The following FOXP1 variants were observed in gnomAD, a reference collection of about 807,000 sequenced individuals.
The protein encoded by FOXP1 is forkhead box P1.
In FOXP1, 15 loss-of-function variants were observed where a neutral mutation model predicts 98.2. The ratio of observed to expected loss-of-function variants is 0.15; its 90% confidence interval spans 0.10 to 0.24. The LOEUF is 0.24. Among genes scored for constraint, FOXP1 ranks in the 10% least tolerant of loss-of-function variants. The pLI is 1.00. For missense variants in FOXP1, 633 were observed against 848.5 expected, an observed-to-expected ratio of 0.75 and a Z score of 3.15; for synonymous variants, 371 against 314.5, an observed-to-expected ratio of 1.18 and a Z score of -1.90.
intron 3 of FOXP1, among the ~76,000 whole-genome samples, chr3:71,487,691 A>C (rs1256708203): frequency 6.6e-6 from 1 of 152,228 alleles, no homozygotes; most frequent in Non-Finnish European, 1.5e-5. Flanking sequence ...TTTAGCCAAA[A>C]GGTTTGATGT....
At chr3:71,194,886 TGTGA>T (rs1189354110) in intron 6 of FOXP1, among the ~76,000 whole-genome samples, 2 of 152,172 alleles carry the variant, frequency 1.3e-5, no homozygotes, top group Non-Finnish European at 2.9e-5. Context: ...AAAGACAGTT[TGTGA>T]GTGTGTTGGC....
At chr3:70,973,522 G>C (rs1049609026) in intron 17 of FOXP1, among the ~76,000 whole-genome samples, 4 of 152,106 alleles carry the variant, frequency 2.6e-5, no homozygotes, top group African/African-American at 9.7e-5. Context: ...CAAGGGTGAA[G>C]AGCTTTTAAT....
chr3:71,155,823 C>T (rs535603605), intron 6 of FOXP1, among the ~76,000 whole-genome samples: 2 of 152,210 alleles, frequency 1.3e-5, no homozygotes, highest in African/African-American at 4.8e-5. Context: ...TGCATACATT[C>T]CTTCTTGAAA....
At chr3:70,989,118 TC>T (rs1173971593) in intron 13 of FOXP1, among the ~76,000 whole-genome samples, 1 of 152,094 alleles carries the variant, frequency 6.6e-6, no homozygotes, top group Non-Finnish European at 1.5e-5. Flanking sequence ...GTCAAATTAT[TC>T]CCAAATAAAA....
chr3:71,321,066 C>T (rs1358484257), intron 4 of FOXP1, among the ~76,000 whole-genome samples: 1 of 149,014 alleles, frequency 6.7e-6, no homozygotes, highest in African/African-American at 2.5e-5. Flanking sequence ...TTGAGATTCA[C>T]TATGCACCCC....
intron 11 of FOXP1, among the ~76,000 whole-genome samples, chr3:71,015,861 A>G (rs1046762399): frequency 6.6e-6 from 1 of 152,200 alleles, no homozygotes; most frequent in African/African-American, 2.4e-5. Flanking sequence ...TATTTAGTCA[A>G]ATGTTAGAAA....
intron 3 of FOXP1, among the ~76,000 whole-genome samples, chr3:71,400,003 C>T (rs2081840669): frequency 6.6e-6 from 1 of 152,086 alleles, no homozygotes; most frequent in Non-Finnish European, 1.5e-5. Context: ...AACACCAATG[C>T]CAAATCTAAT....
chr3:70,981,448 G>A (rs943054356), intron 14 of FOXP1, among the ~76,000 whole-genome samples: 1 of 152,166 alleles, frequency 6.6e-6, no homozygotes, highest in African/African-American at 2.4e-5. Flanking sequence ...CTAATTACCA[G>A]ATAAAAATGT....
intron 5 of FOXP1, among the ~76,000 whole-genome samples, chr3:71,198,841 G>A (rs2063478369): frequency 6.6e-6 from 1 of 151,754 alleles, no homozygotes; most frequent in African/African-American, 2.4e-5. Flanking sequence ...ACAGGTGCAT[G>A]CCACCATGCC....
At chr3:71,360,059 C>G (rs2078448105) in intron 3 of FOXP1, among the ~76,000 whole-genome samples, 1 of 152,152 alleles carries the variant, frequency 6.6e-6, no homozygotes, top group Non-Finnish European at 1.5e-5. Context: ...TCTCAAAGTG[C>G]TGGGATTACA....
Position 70,974,051 on chromosome 3 carries a change from G to A in FOXP1, c.1531-1375C>T, listed in dbSNP as rs577809236. ...AATGAGACAAGTTTTTTAATGCATG[G>A]TGTGATGAATTGCTTGAAAGGAGAA... On this transcript the variant is annotated intron_variant, in intron 17 of 20. Coordinates refer to ENST00000649528, the MANE Select transcript of FOXP1 (RefSeq NM_001349338.3). Among the ~76,000 whole-genome samples the A allele has an allele frequency of 4.6e-5, 7 of 152,124 alleles. 1 individual carries two copies. The South Asian group carries it at 1.5e-3, about 32-fold the overall frequency.
intron 7 of FOXP1, among the ~76,000 whole-genome samples, chr3:71,083,155 T>C (rs989129885): frequency 6.6e-6 from 1 of 152,078 alleles, no homozygotes; most frequent in African/African-American, 2.4e-5. Flanking sequence ...TGGGAGGTAT[T>C]TGGGTCACAG....
chr3:71,352,213 C>G (rs1489040164), intron 4 of FOXP1, among the ~76,000 whole-genome samples: 1 of 152,112 alleles, frequency 6.6e-6, no homozygotes, highest in African/African-American at 2.4e-5. Context: ...TGCCTGTAAT[C>G]TCAGCACTTT....
chr3:71,479,689 A>AAAAAG lies in FOXP1; in HGVS notation c.-168+13732_-168+13736dup, dbSNP rs577534734. On this transcript the variant is annotated intron_variant, in intron 3 of 20. Transcript: ENST00000649528. The stretch of plus-strand genomic sequence containing the variant: ...AGCAAAACATCATCTCAAAAAAAAA[A>AAAAAG]AAAAGAAAAGAAAAGAAAAGAAAAA... Among the ~76,000 whole-genome samples the AAAAAG allele has an allele frequency of 2.4e-3, 359 of 151,348 alleles. 1 individual carries two copies. Among genetic ancestry groups the AAAAAG allele is most frequent in the African/African-American group, 8.1e-3 (332 of 41,202 alleles).
chr3:71,060,124 AT>A (rs532165139), intron 7 of FOXP1, among the ~76,000 whole-genome samples: 7 of 151,862 alleles, frequency 4.6e-5, no homozygotes, highest in East Asian at 1.9e-4. Flanking sequence ...GCAAATATGT[AT>A]TTTTTTTCCC....
At chr3:71,319,987 C>T (rs561653520) in intron 4 of FOXP1, among the ~76,000 whole-genome samples, 4 of 152,244 alleles carry the variant, frequency 2.6e-5, no homozygotes, top group East Asian at 1.9e-4. Flanking sequence ...CAACACTTGC[C>T]GGCCCACACA....
At chr3:71,394,166 AC>A (rs1314027243) in intron 3 of FOXP1, among the ~76,000 whole-genome samples, 3 of 152,230 alleles carry the variant, frequency 2.0e-5, no homozygotes, top group African/African-American at 7.2e-5. Flanking sequence ...GTTCATATGC[AC>A]CAGCCCAACT....
chr3:71,555,957 AG>A (rs2046096494), intron 2 of FOXP1, among the ~76,000 whole-genome samples: 1 of 152,058 alleles, frequency 6.6e-6, no homozygotes, highest in African/African-American at 2.4e-5. Flanking sequence ...AAGGAAGAAA[AG>A]GAAAAAAAAT....
intron 10 of FOXP1, among the ~76,000 whole-genome samples, chr3:71,045,747 G>T (rs1403210675): frequency 2.0e-5 from 3 of 152,136 alleles, no homozygotes; most frequent in Non-Finnish European, 2.9e-5. Flanking sequence ...AGTTGGGTGT[G>T]GTGGACTCAA....
Sources: gnomAD v4.1 joint callset for allele counts (sites outside exome capture counted in the v4.1 genomes callset) on GRCh38, gnomAD v4.1.1 for gene constraint, MANE v1.5 for transcripts, NCBI Gene and HGNC (gene_info 2026-07-23, HGNC 2026-07-21) for gene names.